DHRSX: variants seen among roughly 807,000 people sequenced by gnomAD.
DHRSX encodes the protein polyprenol dehydrogenase.
DHRSX carries 31 observed loss-of-function variants against 34.0 expected under a neutral mutation model. The ratio of observed to expected loss-of-function variants is 0.91; its 90% CI spans 0.69 to 1.23. The LOEUF (loss-of-function observed/expected upper bound fraction) is 1.23. DHRSX is among the 50% of genes most tolerant of loss of function. The probability of loss-of-function intolerance (pLI) is 0.00; values close to 1 mark genes in which losing one functional copy is unlikely to be tolerated. For synonymous variants in DHRSX, 201 were observed against 183.8 expected, an observed-to-expected ratio of 1.09 and a Z score of -0.76; for missense variants, 414 against 428.1, an observed-to-expected ratio of 0.97 and a Z score of 0.29.
intron 1 of DHRSX, among the ~76,000 whole-genome samples, chrX:2,478,035 C>T (rs759583778): frequency 1.4e-4 from 22 of 152,310 alleles, no homozygotes; most frequent in South Asian, 1.2e-3. Flanking sequence ...TCCAGAAATC[C>T]GAAGATTCAG....
At chrX:2,493,928 C>T (rs1304255850) in intron 1 of DHRSX, among the ~76,000 whole-genome samples, 2 of 151,962 alleles carry the variant, frequency 1.3e-5, no homozygotes, top group African/African-American at 2.4e-5. Context: ...GCCGAGATGG[C>T]GCCATTGCAC....
intron 3 of DHRSX, among the ~76,000 whole-genome samples, chrX:2,396,370 T>C (rs1569497008): frequency 1.0e-5 from 1 of 100,014 alleles, no homozygotes; most frequent in African/African-American, 3.6e-5. Context: ...GCTTTCTTTC[T>C]TTTTCTTTTT....
chrX:2,385,108 A>ATGTGTGTGTGTGTGTG lies in DHRSX; in HGVS notation c.286+23636_286+23637insCACACACACACACACA, dbSNP rs1273797831. ...CAGAGTGAGACTCCATCTCAAATAT[A>ATGTGTGTGTGTGTGTG]TATGTGTGTGTGTGTGTGTGTGTGT... On this transcript the variant is annotated intron_variant, in intron 3 of 6. Coordinates refer to ENST00000334651, the MANE Select transcript of DHRSX (RefSeq NM_145177.3). Among the ~76,000 whole-genome samples the ATGTGTGTGTGTGTGTG allele has an allele frequency of 2.4e-4, 30 of 122,696 alleles. No individual in the cohort carries two copies. In the Middle Eastern group the frequency reaches 0.012, roughly 49 times the overall value. 80.5% of individuals were successfully genotyped at this position (122,696 alleles called of 152,430 possible).
At chrX:2,361,117 AAGTT>A (rs1171075184) in intron 3 of DHRSX, among the ~76,000 whole-genome samples, 1 of 151,918 alleles carries the variant, frequency 6.6e-6, no homozygotes. Flanking sequence ...ATTATCATAA[AAGTT>A]TGTTTGTGAG....
At chrX:2,359,679 C>CA (rs1024598501) in intron 3 of DHRSX, among the ~76,000 whole-genome samples, 44 of 148,920 alleles carry the variant, frequency 3.0e-4, no homozygotes, top group South Asian at 1.9e-3. Context: ...GACTCCATAT[C>CA]AAAAAAAAAG....
intron 1 of DHRSX, chrX:2,488,470 CGA>C: frequency 1.0e-6 from 1 of 970,332 alleles, no homozygotes; most frequent in Non-Finnish European, 1.5e-6. Flanking sequence ...CCACCGCCCC[CGA>C]CCCTCTCTCA....
At chrX:2,494,126 CTATTAT>C (rs769646009) in intron 1 of DHRSX, among the ~76,000 whole-genome samples, 107 of 151,346 alleles carry the variant, frequency 7.1e-4, no homozygotes, top group African/African-American at 2.1e-3. Context: ...CATCCATATT[CTATTAT>C]TATTATTATT....
At chrX:2,231,462 TTCC>T (rs948939369) in intron 6 of DHRSX, among the ~76,000 whole-genome samples, 43 of 149,618 alleles carry the variant, frequency 2.9e-4, no homozygotes, top group African/African-American at 6.4e-4. Flanking sequence ...CCTCTTTCTC[TTCC>T]TCCCCCATCT....
chrX:2,307,003 T>C (rs1341485889), intron 3 of DHRSX, among the ~76,000 whole-genome samples: 3 of 151,774 alleles, frequency 2.0e-5, no homozygotes, highest in Non-Finnish European at 4.4e-5. Context: ...AATGAGTCTG[T>C]TCTGGATCTG....
intron 1 of DHRSX, 146 bp from the exon 2 acceptor site, chrX:2,425,450 C>A: frequency 5.5e-6 from 4 of 720,924 alleles, no homozygotes; most frequent in Non-Finnish European, 9.4e-6. Flanking sequence ...TTCCCACAGG[C>A]TCAGGAGGCA....
At chrX:2,494,126 C>CTAT (rs769646009) in intron 1 of DHRSX, among the ~76,000 whole-genome samples, 16 of 151,346 alleles carry the variant, frequency 1.1e-4, no homozygotes, top group Admixed American at 3.3e-4. Flanking sequence ...CATCCATATT[C>CTAT]TATTATTATT....
intron 3 of DHRSX, among the ~76,000 whole-genome samples, chrX:2,305,932 A>G (rs1195576168): frequency 1.3e-5 from 2 of 151,934 alleles, no homozygotes; most frequent in Non-Finnish European, 2.9e-5. Flanking sequence ...TGGCACGTCT[A>G]TACCTATATA....
At chrX:2,478,839 C>A (rs952608245) in intron 1 of DHRSX, among the ~76,000 whole-genome samples, 1 of 151,796 alleles carries the variant, frequency 6.6e-6, no homozygotes, top group African/African-American at 2.4e-5. Flanking sequence ...TGAAGACGCT[C>A]CCTAAGAATG....
chrX:2,465,751 G>C (rs1171909046), intron 1 of DHRSX, among the ~76,000 whole-genome samples: 1 of 149,218 alleles, frequency 6.7e-6, no homozygotes, highest in Non-Finnish European at 1.5e-5. Context: ...GATGGCTGCA[G>C]TGAGCCCAGA....
At chrX:2,389,635 C>T (rs958473369) in intron 3 of DHRSX, among the ~76,000 whole-genome samples, 1 of 152,174 alleles carries the variant, frequency 6.6e-6, no homozygotes, top group African/African-American at 2.4e-5. Context: ...CACTCACCAA[C>T]AGCTGCACAA....
intron 3 of DHRSX, among the ~76,000 whole-genome samples, chrX:2,340,569 G>C (rs1230490665): frequency 3.9e-5 from 6 of 152,020 alleles, no homozygotes; most frequent in African/African-American, 1.4e-4. Context: ...ATTATTGCCT[G>C]TGGACATCAG....
At chrX:2,360,130 G>C (rs2042910199) in intron 3 of DHRSX, among the ~76,000 whole-genome samples, 1 of 152,082 alleles carries the variant, frequency 6.6e-6, no homozygotes, top group African/African-American at 2.4e-5. Context: ...AGGTTGGGGT[G>C]ATGAGGCATG....
intron 3 of DHRSX, among the ~76,000 whole-genome samples, chrX:2,335,381 G>A (rs1454734966): frequency 2.0e-5 from 3 of 151,840 alleles, no homozygotes; most frequent in Non-Finnish European, 4.4e-5. Context: ...GGGACGACTC[G>A]AAGTGGGGAG....
intron 1 of DHRSX, among the ~76,000 whole-genome samples, chrX:2,448,340 T>A (rs2044166871): frequency 6.6e-6 from 1 of 152,046 alleles, no homozygotes; most frequent in African/African-American, 2.4e-5. Context: ...CAAAAAAATA[T>A]AAATTACATT....
Sources: gnomAD v4.1 joint callset for allele counts (sites outside exome capture counted in the v4.1 genomes callset) on GRCh38, gnomAD v4.1.1 for gene constraint, MANE v1.5 for transcripts, NCBI Gene and HGNC (gene_info 2026-07-23, HGNC 2026-07-21) for gene names.